The following P3H2 variants were observed in gnomAD, a reference collection of about 807,000 sequenced individuals.
P3H2 encodes the protein prolyl 3-hydroxylase 2, also known as leprecan-like 1.
Under a neutral mutation model 87.0 loss-of-function variants are expected in P3H2, and 80 were observed. The observed-to-expected ratio is 0.92, with a 90% CI of 0.77 to 1.11. The LOEUF is 1.11. Ranked by LOEUF, P3H2 falls within the 50% of genes least tolerant of loss-of-function variation. The pLI, the probability that P3H2 is intolerant of heterozygous loss-of-function variation, is 0.00. For synonymous variants in P3H2, 367 were observed against 359.3 expected (o/e 1.02, Z -0.24); for missense variants, 1,001 against 923.9 (o/e 1.08, Z -1.08).
At chr3:189,995,768 A>C (rs1302705175) in intron 1 of P3H2, among the ~76,000 whole-genome samples, 4 of 152,146 alleles carry the variant, frequency 2.6e-5, no homozygotes, top group African/African-American at 9.7e-5. Flanking sequence ...ACTCTATAGC[A>C]AGAAAAGAAA....
intron 1 of P3H2, 88 bp from the exon 2 acceptor site, chr3:189,995,530 G>A: frequency 8.3e-7 from 1 of 1,206,782 alleles, no homozygotes; most frequent in South Asian, 1.3e-5. Context: ...AAATCTCACA[G>A]TTTAAGAATG....
rs1411693268 is a variant in P3H2 at position 189,984,564 on chromosome 3, T to C, written c.1215A>G (p.Arg405=). Residue 405 remains arginine, a synonymous_variant, in exon 7 of 15, where the codon CGA becomes CGG. Transcript: ENST00000319332. Reference sequence around the variant, plus strand: ...AATGGACTTACCGATTCTCATCCTGTCGTCCTCCATATCTGATCCAATAAT... The same window carrying C: ...AATGGACTTACCGATTCTCATCCTGCCGTCCTCCATATCTGATCCAATAAT... ...EPNYWIRYGG[R]QDENRVPSGV... is the part of the protein sequence containing the mutation. 5.0e-6 allele frequency: 8 copies of C among 1,612,254 alleles called. No individual in the cohort carries two copies. The highest frequency in any genetic ancestry group is 6.8e-6 in the Non-Finnish European group (8 of 1,178,872).
intron 1 of P3H2, among the ~76,000 whole-genome samples, chr3:190,004,197 A>T (rs1420640608): frequency 2.0e-5 from 3 of 152,192 alleles, no homozygotes; most frequent in Non-Finnish European, 4.4e-5. Flanking sequence ...TGTTTTATAT[A>T]GTTGGCAAAG....
chr3:190,053,857 C>T (rs1417035212), intron 1 of P3H2, among the ~76,000 whole-genome samples: 2 of 152,094 alleles, frequency 1.3e-5, no homozygotes, highest in Non-Finnish European at 2.9e-5. Context: ...CTAATCAAGA[C>T]GTATTTTTCA....
chr3:190,007,242 C>T (rs1383295199), intron 1 of P3H2, among the ~76,000 whole-genome samples: 1 of 152,056 alleles, frequency 6.6e-6, no homozygotes, highest in African/African-American at 2.4e-5. Flanking sequence ...TTTGGGGAAA[C>T]CCTTGTACTT....
Position 190,004,482 on chromosome 3 carries a change from A to C in P3H2, c.481-9040T>G, listed in dbSNP as rs866225368. On this transcript the variant is annotated intron_variant, in intron 1 of 14. Transcript: ENST00000319332. The stretch of plus-strand genomic sequence containing the variant: ...ACTGCAAGCTCCGCCTCCCGGGTTC[A>C]CGCCATTCTCCTGCCTCAGCCTCCC... 4.4e-3 allele frequency among the ~76,000 whole-genome samples: 663 copies of C among 152,132 alleles called. 6 individuals carry two copies. Among genetic ancestry groups the C allele is most frequent in the African/African-American group, 0.015 (623 of 41,526 alleles).
At chr3:190,070,424 G>A (rs1193686298) in intron 1 of P3H2, among the ~76,000 whole-genome samples, 24 of 152,056 alleles carry the variant, frequency 1.6e-4, no homozygotes, top group East Asian at 3.9e-4. Context: ...TGGGGTAACC[G>A]AGTCACAGGA....
intron 1 of P3H2, among the ~76,000 whole-genome samples, chr3:190,017,251 C>A (rs1027967794): frequency 6.6e-6 from 1 of 151,920 alleles, no homozygotes; most frequent in Non-Finnish European, 1.5e-5. Context: ...TTTCTTTGTT[C>A]TTCATAAATT....
chr3:189,995,376 C>G lies in P3H2; in HGVS notation c.547G>C (p.Glu183Gln), dbSNP rs770795519. Residue 183 changes from glutamate (E) to glutamine (Q), a missense_variant, in exon 2 of 15, where the codon GAA becomes CAA. Coordinates refer to ENST00000319332, the MANE Select transcript of P3H2 (RefSeq NM_018192.4). ...TAATTCTCAATGTTCTGCTGCATTT[C>G]CATGTGCTCAGGGTTAGCCACGAAA... Reference protein sequence around the residue: ...TFFVANPEHMEMQQNIENYRA... With the variant: ...TFFVANPEHMQMQQNIENYRA... 24 of 1,614,070 alleles carry G rather than the reference C, an allele frequency of 1.5e-5. No homozygotes were observed. The highest frequency in any genetic ancestry group is 1.9e-5 in the Non-Finnish European group (23 of 1,180,002).
At chr3:190,104,211 C>T (rs1284927572) in intron 1 of P3H2, among the ~76,000 whole-genome samples, 1 of 152,120 alleles carries the variant, frequency 6.6e-6, no homozygotes, top group Non-Finnish European at 1.5e-5. Context: ...AAAGCATGCT[C>T]TCTCTAGTCA....
intron 1 of P3H2, among the ~76,000 whole-genome samples, chr3:190,083,285 G>C (rs952092489): frequency 6.6e-6 from 1 of 152,156 alleles, no homozygotes; most frequent in Admixed American, 6.5e-5. Flanking sequence ...TTCTAACAAA[G>C]AGGAAACACC....
intron 1 of P3H2, among the ~76,000 whole-genome samples, chr3:190,090,949 C>T (rs1366692317): frequency 1.3e-5 from 2 of 151,968 alleles, no homozygotes; most frequent in African/African-American, 2.4e-5. Flanking sequence ...ACTATCATAG[C>T]CTTCTCATGT....
At chr3:190,088,393 T>A (rs1727295889) in intron 1 of P3H2, among the ~76,000 whole-genome samples, 1 of 152,206 alleles carries the variant, frequency 6.6e-6, no homozygotes, top group Non-Finnish European at 1.5e-5. Flanking sequence ...GATTCTATAT[T>A]TCTTTGTTAA....
intron 8 of P3H2, among the ~76,000 whole-genome samples, chr3:189,976,631 C>T (rs534283170): frequency 6.6e-6 from 1 of 152,122 alleles, no homozygotes; most frequent in Non-Finnish European, 1.5e-5. Context: ...ATAAGTGCAT[C>T]GTATTTCATT....
At chr3:190,054,554 T>C (rs926100846) in intron 1 of P3H2, among the ~76,000 whole-genome samples, 9 of 152,180 alleles carry the variant, frequency 5.9e-5, no homozygotes, top group Admixed American at 3.3e-4. Flanking sequence ...GTCATGAAGC[T>C]TTGATTGGAC....
rs1722658491 is a variant in P3H2, at chr3:189,957,173, C to A, written c.*739G>T. On this transcript the variant is annotated 3_prime_UTR_variant, in exon 15 of 15. Transcript: ENST00000319332. ...CTCATACAGTAATCATCCATGAGAT[C>A]TCCCGGAGCCTGGGTGATCATTACG... The A allele has an allele frequency of 2.5e-6, 1 of 398,690 alleles. No individual in the cohort carries two copies. The highest frequency in any genetic ancestry group is 1.3e-4 in the South Asian group (1 of 7,848). The allele number at this position is 398,690 out of a possible 1,614,324, so 24.7% of individuals were successfully genotyped here.
chr3:190,039,176 C>T (rs998020682), intron 1 of P3H2, among the ~76,000 whole-genome samples: 13 of 129,158 alleles, frequency 1.0e-4, no homozygotes, highest in South Asian at 2.7e-4. Flanking sequence ...ACAACAAAAG[C>T]GAAACTCCAT....
Position 189,990,857 on chromosome 3 carries a change from G to C in P3H2, c.824-1819C>G, listed in dbSNP as rs181869031. 2.8e-4 allele frequency among the ~76,000 whole-genome samples: 42 copies of C among 152,256 alleles called. No individual in the cohort carries two copies. In the East Asian group the frequency reaches 6.6e-3, roughly 24 times the overall value. On this transcript the variant is annotated intron_variant, in intron 3 of 14. Coordinates refer to ENST00000319332, the MANE Select transcript of P3H2 (RefSeq NM_018192.4). ...GAGTCTTAAAAATTAAAGAACCTGA[G>C]TTATGAGATCTCTATTCTTTTCCAG...
chr3:190,102,357 T>C (rs934990253), intron 1 of P3H2, among the ~76,000 whole-genome samples: 1 of 152,246 alleles, frequency 6.6e-6, no homozygotes, highest in African/African-American at 2.4e-5. Flanking sequence ...ATTCTAGATG[T>C]CATTAATAGC....
Sources: gnomAD v4.1 joint callset for allele counts (sites outside exome capture counted in the v4.1 genomes callset) on GRCh38, gnomAD v4.1.1 for gene constraint, MANE v1.5 for transcripts, NCBI Gene and HGNC (gene_info 2026-07-23, HGNC 2026-07-21) for gene names.